CYP20A1: variants seen among roughly 807,000 people sequenced by gnomAD.
CYP20A1 encodes the protein cytochrome P450 family 20 subfamily A member 1, also known as cytochrome P450 20A1.
Under a neutral mutation model 61.4 loss-of-function variants are expected in CYP20A1, and 61 were observed. The ratio of observed to expected loss-of-function variants is 0.99; its 90% CI spans 0.81 to 1.23. The LOEUF is 1.23. Among genes scored for constraint, CYP20A1 ranks in the 50% most tolerant of loss-of-function variants. CYP20A1 has a pLI of 0.00. For missense variants in CYP20A1, 530 were observed against 542.4 expected, an observed-to-expected ratio of 0.98 and a Z score of 0.23; for synonymous variants, 193 against 188.2, an observed-to-expected ratio of 1.03 and a Z score of -0.21.
intron 11 of CYP20A1, among the ~76,000 whole-genome samples, chr2:203,293,735 C>T (rs1297968105): frequency 1.3e-5 from 2 of 151,970 alleles, no homozygotes; most frequent in Non-Finnish European, 2.9e-5. Flanking sequence ...CCCTAAAGTC[C>T]ATTGTATCAT....
At chr2:203,243,187 G>A (rs2066316384) in intron 1 of CYP20A1, among the ~76,000 whole-genome samples, 1 of 151,862 alleles carries the variant, frequency 6.6e-6, no homozygotes, top group Non-Finnish European at 1.5e-5. Context: ...ACCCAGGCTG[G>A]GGCTGGAGTG....
At chr2:203,282,460 C>A (rs1368910255) in intron 8 of CYP20A1, among the ~76,000 whole-genome samples, 1 of 151,474 alleles carries the variant, frequency 6.6e-6, no homozygotes, top group East Asian at 1.9e-4. Context: ...AAACAAGACC[C>A]CAGCTTAAAA....
intron 4 of CYP20A1, among the ~76,000 whole-genome samples, chr2:203,259,054 A>G (rs936461432): frequency 3.3e-5 from 5 of 152,168 alleles, no homozygotes; most frequent in Non-Finnish European, 7.3e-5. Context: ...CTTCAAACTA[A>G]GTAATTCTGA....
At chr2:203,272,617 T>C in intron 5 of CYP20A1, 53 bp from the exon 6 acceptor site, 1 of 1,207,668 alleles carries the variant, frequency 8.3e-7, no homozygotes, top group African/African-American at 1.6e-5. Context: ...CTCTGTATTA[T>C]TTTTAAAATT....
chr2:203,276,684 C>G (rs530058695), intron 6 of CYP20A1, among the ~76,000 whole-genome samples: 137 of 152,186 alleles, frequency 9.0e-4, no homozygotes, highest in Non-Finnish European at 1.5e-3. Flanking sequence ...TGGGAAGATC[C>G]AGGATTTGGG....
At chr2:203,259,296 A>G (rs1471742825) in intron 4 of CYP20A1, among the ~76,000 whole-genome samples, 4 of 152,196 alleles carry the variant, frequency 2.6e-5, no homozygotes, top group Non-Finnish European at 5.9e-5. Context: ...TATAGTTTGA[A>G]TATTTGTCCC....
rs12618121 is a variant in CYP20A1 at position 203,283,669 on chromosome 2, C to T, written c.851-1943C>T. On this transcript the variant is annotated intron_variant, in intron 8 of 12. Coordinates refer to ENST00000356079, the MANE Select transcript of CYP20A1 (RefSeq NM_177538.3). The stretch of plus-strand genomic sequence containing the variant: ...GTTCAAGCAATTCTCCTGCCTCAGC[C>T]TTCCAAGTAGCTGGGACTAGAGGCG... Among the ~76,000 whole-genome samples, 74 of 151,712 alleles carry T rather than the reference C, an allele frequency of 4.9e-4. 1 individual carries two copies. In the East Asian group the frequency reaches 0.014, roughly 28 times the overall value.
At chr2:203,272,602 C>T (rs896483447) in intron 5 of CYP20A1, 68 bp from the exon 6 acceptor site, 5 of 524,698 alleles carry the variant, frequency 9.5e-6, no homozygotes, top group Non-Finnish European at 1.2e-5. Flanking sequence ...CATTAGGTTA[C>T]ATTGCTCTGT....
At chr2:203,253,221 C>T (rs188325498) in intron 4 of CYP20A1, among the ~76,000 whole-genome samples, 103 of 152,290 alleles carry the variant, frequency 6.8e-4, no homozygotes, top group African/African-American at 2.4e-3. Context: ...ACTGCGGTTC[C>T]TGAAGCGCAC....
intron 1 of CYP20A1, among the ~76,000 whole-genome samples, chr2:203,243,903 T>C (rs895225395): frequency 1.3e-5 from 2 of 151,994 alleles, no homozygotes; most frequent in Admixed American, 6.6e-5. Flanking sequence ...TTGCACAAGC[T>C]GGTCTCAAAC....
chr2:203,256,840 T>C (rs1231160887), intron 4 of CYP20A1, among the ~76,000 whole-genome samples: 1 of 152,146 alleles, frequency 6.6e-6, no homozygotes, highest in Non-Finnish European at 1.5e-5. Context: ...GTTCCTAAAT[T>C]ATTTGACTCC....
chr2:203,299,625 A>C lies in CYP20A1; in HGVS notation c.*2717A>C, dbSNP rs1032114152. Among the ~76,000 whole-genome samples, 3 of 152,166 alleles carry C rather than the reference A, an allele frequency of 2.0e-5. No individual in the cohort carries two copies. Among genetic ancestry groups the C allele is most frequent in the African/African-American group, 7.2e-5 (3 of 41,440 alleles). ...CGTGATGGCTCATGCCTGTAATCCC[A>C]GCACTTTGGGAGGCCGAGGCAGGCA... On this transcript the variant is annotated 3_prime_UTR_variant, in exon 13 of 13. Coordinates refer to ENST00000356079, the MANE Select transcript of CYP20A1 (RefSeq NM_177538.3).
chr2:203,282,757 G>A (rs766008314), intron 8 of CYP20A1, among the ~76,000 whole-genome samples: 13 of 152,032 alleles, frequency 8.6e-5, no homozygotes, highest in Non-Finnish European at 1.9e-4. Flanking sequence ...TCCTTACTCT[G>A]CCCCTTATTA....
chr2:203,240,416 C>T (rs1415209039), intron 1 of CYP20A1, among the ~76,000 whole-genome samples: 1 of 152,224 alleles, frequency 6.6e-6, no homozygotes, highest in Non-Finnish European at 1.5e-5. Flanking sequence ...TATGGTTCCA[C>T]GTGCTGGGAA....
Position 203,246,743 on chromosome 2 carries a change from C to T in CYP20A1, c.123-12C>T, listed in dbSNP as rs767221383. 3 of 1,606,942 alleles carry T rather than the reference C, an allele frequency of 1.9e-6. No homozygotes were observed. The highest frequency in any genetic ancestry group is 2.5e-6 in the Non-Finnish European group (3 of 1,177,432). ...AAATTGATTATTTTGTCAAATGTTG[C>T]TCTTTTGCCAGAGATGGTAATCTTC... On this transcript the variant is annotated splice_polypyrimidine_tract_variant and intron_variant, in intron 2 of 12. Coordinates refer to ENST00000356079, the MANE Select transcript of CYP20A1 (RefSeq NM_177538.3).
At chr2:203,280,304 G>A (rs1289070874) in intron 8 of CYP20A1, among the ~76,000 whole-genome samples, 191 bp downstream of exon 8, 3 of 152,226 alleles carry the variant, frequency 2.0e-5, no homozygotes, top group Admixed American at 6.5e-5. Context: ...ATGATGGCCC[G>A]TGCCTGTAGT....
rs2069089415 is a variant in CYP20A1, at chr2:203,303,145, T to G, written c.*6237T>G. Among the ~76,000 whole-genome samples the G allele has an allele frequency of 6.6e-6, 1 of 151,688 alleles. No individual in the cohort carries two copies. The highest frequency in any genetic ancestry group is 1.5e-5 in the Non-Finnish European group (1 of 67,974). On this transcript the variant is annotated 3_prime_UTR_variant, in exon 13 of 13. Coordinates refer to ENST00000356079, the MANE Select transcript of CYP20A1 (RefSeq NM_177538.3). Reference sequence around the variant, plus strand: ...CCTCCTGAGTAGCTGAGACTACGGGTATGTGCCACTACACTCAGCTAATTT... The same window carrying G: ...CCTCCTGAGTAGCTGAGACTACGGGGATGTGCCACTACACTCAGCTAATTT...
chr2:203,285,172 A>G (rs1235317594), intron 8 of CYP20A1, among the ~76,000 whole-genome samples: 1 of 152,144 alleles, frequency 6.6e-6, no homozygotes, highest in Non-Finnish European at 1.5e-5. Context: ...TTATCGATAA[A>G]TCTGCTAGCT....
chr2:203,280,156 T>C (rs1358131770), intron 8 of CYP20A1, 43 bp downstream of exon 8: 1 of 1,502,558 alleles, frequency 6.7e-7, no homozygotes, highest in East Asian at 2.3e-5. Context: ...TTACTAAATA[T>C]ATAGGCTGAG....
Sources: gnomAD v4.1 joint callset for allele counts (sites outside exome capture counted in the v4.1 genomes callset) on GRCh38, gnomAD v4.1.1 for gene constraint, MANE v1.5 for transcripts, NCBI Gene and HGNC (gene_info 2026-07-23, HGNC 2026-07-21) for gene names.